Variants in MXRA5 observed in about 807,000 individuals in gnomAD.
MXRA5 encodes matrix remodeling associated 5, also known as matrix-remodeling-associated protein 5.
In MXRA5, 41 loss-of-function variants were observed where a neutral mutation model predicts 112.5. The ratio of observed to expected loss-of-function variants is 0.36; its 90% CI spans 0.28 to 0.47. MXRA5 has a LOEUF of 0.47. Ranked by LOEUF, MXRA5 falls within the 20% of genes least tolerant of loss-of-function variation. The probability of loss-of-function intolerance (pLI) is 0.99; values close to 1 mark genes in which losing one functional copy is unlikely to be tolerated. For synonymous variants in MXRA5, 862 were observed against 900.8 expected (o/e 0.96, Z 0.77); for missense variants, 2,150 against 2,251.0 (o/e 0.96, Z 0.91).
At chrX:3,343,374 A>T (rs1378681958) in intron 2 of MXRA5, among the ~76,000 whole-genome samples, 2 of 112,462 alleles carry the variant, frequency 1.8e-5, no homozygotes, top group Non-Finnish European at 3.7e-5. Flanking sequence ...GGAATTTCTC[A>T]ACAAACTCTA....
intron 2 of MXRA5, among the ~76,000 whole-genome samples, chrX:3,336,908 C>T (rs143332730): frequency 0.023 from 2,532 of 111,818 alleles, 82 homozygotes; most frequent in African/African-American, 0.077. Context: ...AACGCAGTCA[C>T]AGCTATAATT....
At chrX:3,330,591 T>C in intron 3 of MXRA5, 53 bp downstream of exon 3, 1 of 1,181,125 alleles carries the variant, frequency 8.5e-7, no homozygotes. Flanking sequence ...TATTCTTTAT[T>C]ACTGGTCTTA....
chrX:3,346,533 C>G lies in MXRA5; in HGVS notation c.-47G>C. 1 of 754,795 alleles carries G rather than the reference C, an allele frequency of 1.3e-6. No homozygotes were observed. Among genetic ancestry groups the G allele is most frequent in the Non-Finnish European group, 1.6e-6 (1 of 639,413 alleles). The allele number at this position is 754,795 out of a possible 1,213,427, so 62.2% of individuals were successfully genotyped here. ...TCCTCACCTGTCCTTGGGAAGCCGC[C>G]GCACACGGGAGCGGTGCGCCGGGAG... On this transcript the variant is annotated 5_prime_UTR_variant, in exon 1 of 7. Coordinates refer to ENST00000217939, the MANE Select transcript of MXRA5 (RefSeq NM_015419.4).
At position 3,323,455 on chromosome X, in the gene MXRA5, G is replaced by A. The variant is rs780637725; in HGVS notation, c.2230C>T (p.Leu744=). 1.3e-5 allele frequency: 16 copies of A among 1,211,839 alleles called. No homozygotes were observed. The highest frequency in any genetic ancestry group is 1.8e-5 in the Non-Finnish European group (16 of 895,522). ...TTTTCCGAATGCTTCCAGAGTTTCA[G>A]CTTTCTTCTCCCTTTCTTGGCTTTC... The part of the protein sequence containing the change: ...DKKAKKGRRK[L]KLWKHSEKEP... The change falls in exon 5 of 7, where the codon CTG becomes TTG. Residue 744 remains leucine, a synonymous_variant. Transcript: ENST00000217939.
intron 2 of MXRA5, among the ~76,000 whole-genome samples, chrX:3,342,208 G>T (rs191602558): frequency 9.1e-6 from 1 of 110,098 alleles, no homozygotes; most frequent in Non-Finnish European, 1.9e-5. Flanking sequence ...CATGGGCACA[G>T]GGAGGGGAAC....
chrX:3,329,847 T>C (rs1921621756), intron 4 of MXRA5, among the ~76,000 whole-genome samples, 171 bp downstream of exon 4: 1 of 112,045 alleles, frequency 8.9e-6, no homozygotes, highest in Non-Finnish European at 1.9e-5. Flanking sequence ...TCTTAACATT[T>C]AAGTGGTAAC....
At position 3,316,284 on chromosome X, in the gene MXRA5, A is replaced by G. The variant is rs1306991146; in HGVS notation, c.6578+819T>C. On this transcript the variant is annotated intron_variant, in intron 6 of 6. Transcript: ENST00000217939. Reference sequence around the variant, plus strand: ...AGCCAAGATAGTGCCACTGCACTCCAGCCTGGGCCACAGAGCGAGATTCCG... The same window carrying G: ...AGCCAAGATAGTGCCACTGCACTCCGGCCTGGGCCACAGAGCGAGATTCCG... Among the ~76,000 whole-genome samples, 19 of 92,002 alleles carry G rather than the reference A, an allele frequency of 2.1e-4. 1 individual carries two copies. Among genetic ancestry groups the G allele is most frequent in the Non-Finnish European group, 2.1e-5 (1 of 47,717 alleles). The allele number at this position is 92,002 out of a possible 115,157, so 79.9% of individuals were successfully genotyped here.
chrX:3,317,090 C>G lies in MXRA5; in HGVS notation c.6578+13G>C. 8.8e-7 allele frequency: 1 copy of G among 1,132,072 alleles called. No individual in the cohort carries two copies. Among genetic ancestry groups the G allele is most frequent in the Non-Finnish European group, 1.2e-6 (1 of 855,581 alleles). The allele number at this position is 1,132,072 out of a possible 1,213,427, so 93.3% of individuals were successfully genotyped here. ...GCCCAGCGATTTACAGGAAGCCACG[C>G]AGAGCTGCCTACCTGAAGAGCGCGT... On this transcript the variant is annotated intron_variant, in intron 6 of 6. Transcript: ENST00000217939.
Position 3,322,411 on chromosome X carries a change from A to G in MXRA5, c.3274T>C (p.Ser1092Pro). The G allele has an allele frequency of 8.3e-7, 1 of 1,211,025 alleles. No individual in the cohort carries two copies. Among genetic ancestry groups the G allele is most frequent in the African/African-American group, 1.7e-5 (1 of 57,611 alleles). ...SSESEGQESKSITLPDSTLGI... is the reference protein window; with the variant it reads ...SSESEGQESKPITLPDSTLGI... Reference sequence around the variant, plus strand: ...AGTGTGGAGTCAGGCAAAGTGATGGATTTGCTCTCTTGGCCCTCACTCTCA... The same window carrying G: ...AGTGTGGAGTCAGGCAAAGTGATGGGTTTGCTCTCTTGGCCCTCACTCTCA... The change falls in exon 5 of 7, where the codon TCC becomes CCC. Residue 1092 changes from serine (S) to proline (P), a missense_variant. By Grantham distance (74) the Ser-to-Pro change is moderately conservative (BLOSUM62 -1). Transcript: ENST00000217939.
In MXRA5 at chrX:3,320,765, A is replaced by G. The variant is rs1463839760; in HGVS notation, c.4920T>C (p.Arg1640=). 1 of 1,212,057 alleles carries G rather than the reference A, an allele frequency of 8.3e-7. No individual in the cohort carries two copies. Among genetic ancestry groups the G allele is most frequent in the Non-Finnish European group, 1.1e-6 (1 of 895,591 alleles). The change falls in exon 5 of 7, where the codon CGT becomes CGC. Residue 1640 remains arginine (R), a synonymous_variant. Coordinates refer to ENST00000217939, the MANE Select transcript of MXRA5 (RefSeq NM_015419.4). Reference sequence around the variant, plus strand: ...TTATTTCCGGTTTGTTGGTCCAGTGACGAGGTGACTGGGAAGTTACAAAGT... The same window carrying G: ...TTATTTCCGGTTTGTTGGTCCAGTGGCGAGGTGACTGGGAAGTTACAAAGT... ...SRYFVTSQSP[R]HWTNKPEITT...
chrX:3,309,382 T>A lies in MXRA5; in HGVS notation c.*334A>T, dbSNP rs1190773395. 8.8e-6 allele frequency: 2 copies of A among 227,370 alleles called. No individual in the cohort carries two copies. Among genetic ancestry groups the A allele is most frequent in the African/African-American group, 2.9e-5 (1 of 34,852 alleles). 18.7% of individuals were successfully genotyped at this position (227,370 alleles called of 1,213,427 possible). On this transcript the variant is annotated 3_prime_UTR_variant, in exon 7 of 7. Coordinates refer to ENST00000217939, the MANE Select transcript of MXRA5 (RefSeq NM_015419.4). ...GTCTATGGCTTATTTTTGATGAATG[T>A]TCCTCAGATATCCTATGGACGCTTA...
Position 3,334,940 on chromosome X carries a change from G to A in MXRA5, c.189-4167C>T, listed in dbSNP as rs748617549. Among the ~76,000 whole-genome samples the A allele has an allele frequency of 1.1e-3, 118 of 111,223 alleles. 1 individual carries two copies. In the Middle Eastern group the frequency reaches 0.033, roughly 31 times the overall value. On this transcript the variant is annotated intron_variant, in intron 2 of 6. Transcript: ENST00000217939. ...CAAGTAGATATTGATAGCCTCTCCC[G>A]CCTCAGTTAATCGTCCCTGAATGCA...
Position 3,323,163 on chromosome X carries a change from G to A in MXRA5, c.2522C>T (p.Ser841Phe). ...ACCAAGTAGAGGTACATCTGCTGAGGATTCTTCAGCACTGGTTACTGTCTG... is the reference window on the plus strand; with the variant it reads ...ACCAAGTAGAGGTACATCTGCTGAGAATTCTTCAGCACTGGTTACTGTCTG... ...PVQTVTSAEE[S>F]SADVPLLGEE... The change falls in exon 5 of 7, where the codon TCC (serine) becomes TTC (phenylalanine). Residue 841 changes from serine to phenylalanine, a missense_variant. By Grantham distance (155) the Ser-to-Phe change is radical (BLOSUM62 -2). Coordinates refer to ENST00000217939, the MANE Select transcript of MXRA5 (RefSeq NM_015419.4). The A allele has an allele frequency of 8.3e-7, 1 of 1,211,656 alleles. No homozygotes were observed. Among genetic ancestry groups the A allele is most frequent in the Non-Finnish European group, 1.1e-6 (1 of 895,519 alleles).
intron 5 of MXRA5, 73 bp downstream of exon 5, chrX:3,319,935 A>T: frequency 1.3e-6 from 1 of 792,909 alleles, no homozygotes; most frequent in Non-Finnish European, 1.8e-6. Flanking sequence ...ATACTGTTTT[A>T]ATGTATTATA....
chrX:3,311,464 G>A lies in MXRA5; in HGVS notation c.6739C>T (p.His2247Tyr). The A allele has an allele frequency of 8.3e-6, 10 of 1,211,593 alleles. No individual in the cohort carries two copies. Among genetic ancestry groups the A allele is most frequent in the Non-Finnish European group, 1.0e-5 (9 of 895,544 alleles). The change falls in exon 7 of 7, where the codon CAC (histidine) becomes TAC (tyrosine). Residue 2247 changes from histidine (H) to tyrosine (Y), a missense_variant. Coordinates refer to ENST00000217939, the MANE Select transcript of MXRA5 (RefSeq NM_015419.4). ...ACTTTGTGGTCGTTCTCCTCCTTGTGTTCAATCTTGGCCGGTTTCATCACC... is the reference window on the plus strand; with the variant it reads ...ACTTTGTGGTCGTTCTCCTCCTTGTATTCAATCTTGGCCGGTTTCATCACC... ...DVVMKPAKIE[H>Y]KEENDHKVFY...
chrX:3,323,395 C>T lies in MXRA5; in HGVS notation c.2290G>A (p.Val764Met), dbSNP rs5983120. ...TTTATCCTTCGTCTAGATTCAAACA[C>T]TCTGCGACCTTCTGCAACATTGGTC... ...PETNVAEGRR[V>M]FESRRRINMA... The change falls in exon 5 of 7, where the codon GTG becomes ATG. Residue 764 changes from valine (V) to methionine (M), a missense_variant. By Grantham distance (21) the Val-to-Met change is conservative. Coordinates refer to ENST00000217939, the MANE Select transcript of MXRA5 (RefSeq NM_015419.4). 7.4e-6 allele frequency: 9 copies of T among 1,210,186 alleles called. No individual in the cohort carries two copies. The African/African-American group carries it at 1.4e-4, about 19-fold the overall frequency.
rs780539183 is a variant in MXRA5 at position 3,311,432 on chromosome X, G to A, written c.6771C>T (p.Tyr2257=). ...HKEENDHKVF[Y]GGDLKVDCVA... ...CACAGTCCACTTTCAGGTCACCCCC[G>A]TAGAAGACTTTGTGGTCGTTCTCCT... Residue 2257 remains tyrosine, a synonymous_variant, in exon 7 of 7, where the codon TAC becomes TAT. Transcript: ENST00000217939. 31 of 1,210,118 alleles carry A rather than the reference G, an allele frequency of 2.6e-5. No homozygotes were observed. Among genetic ancestry groups the A allele is most frequent in the East Asian group, 5.9e-5 (2 of 33,743 alleles).
rs1920989031 is a variant in MXRA5, at chrX:3,311,429, C to T, written c.6774G>A (p.Gly2258=). 8.3e-7 allele frequency: 1 copy of T among 1,211,691 alleles called. No homozygotes were observed. Among genetic ancestry groups the T allele is most frequent in the African/African-American group, 1.7e-5 (1 of 57,818 alleles). The change falls in exon 7 of 7, where the codon GGG becomes GGA. Residue 2258 remains glycine, a synonymous_variant. Transcript: ENST00000217939. ...CCACACAGTCCACTTTCAGGTCACC[C>T]CCGTAGAAGACTTTGTGGTCGTTCT... ...KEENDHKVFY[G]GDLKVDCVAT...
chrX:3,311,342 G>T lies in MXRA5; in HGVS notation c.6861C>A (p.Ser2287=). The change falls in exon 7 of 7, where the codon TCC becomes TCA. Residue 2287 remains serine, a synonymous_variant. Transcript: ENST00000217939. ...CACCGCTGTCATCCGACTGCATGAA[G>T]GAGTTCACCAGACTCCCGTCTGGGA... is the stretch of plus-strand genomic sequence containing the variant. ...WSLPDGSLVN[S]FMQSDDSGGR... The T allele has an allele frequency of 1.7e-6, 2 of 1,212,107 alleles. No individual in the cohort carries two copies. The highest frequency in any genetic ancestry group is 2.2e-6 in the Non-Finnish European group (2 of 895,592).
Sources: gnomAD v4.1 joint callset for allele counts (sites outside exome capture counted in the v4.1 genomes callset) on GRCh38, gnomAD v4.1.1 for gene constraint, MANE v1.5 for transcripts, NCBI Gene and HGNC (gene_info 2026-07-23, HGNC 2026-07-21) for gene names.